The following CNPY1 variants were observed in gnomAD, a reference collection of about 807,000 sequenced individuals.
CNPY1 encodes the protein protein canopy homolog 1.
CNPY1 carries 14 observed loss-of-function variants against 14.4 expected under a neutral mutation model. The observed-to-expected ratio is 0.97, with a 90% CI of 0.64 to 1.52. The LOEUF (loss-of-function observed/expected upper bound fraction) is 1.52, where lower values mean the gene tolerates loss of function less well. Among genes scored for constraint, CNPY1 ranks in the 40% most tolerant of loss-of-function variants. The pLI is 0.00. For missense variants in CNPY1, 129 were observed against 131.5 expected (o/e 0.98, Z 0.09); for synonymous variants, 43 against 46.5 (o/e 0.92, Z 0.31).
At chr7:155,519,164 C>A (rs1796673486) in intron 2 of CNPY1, among the ~76,000 whole-genome samples, 1 of 152,178 alleles carries the variant, frequency 6.6e-6, no homozygotes, top group Non-Finnish European at 1.5e-5. Context: ...AAGGGGTGAC[C>A]TGTGTCTTGC....
intron 2 of CNPY1, chr7:155,533,964 A>AG (rs1308141385): frequency 1.3e-5 from 2 of 151,722 alleles, no homozygotes; most frequent in Non-Finnish European, 2.9e-5. Flanking sequence ...GAGGTTTGGG[A>AG]GGGGGAGGGG....
intron 2 of CNPY1, among the ~76,000 whole-genome samples, chr7:155,532,778 ATAT>A (rs891013733): frequency 6.6e-6 from 1 of 152,056 alleles, no homozygotes; most frequent in Non-Finnish European, 1.5e-5. Flanking sequence ...ATATCTTCCC[ATAT>A]TATTACAATG....
intron 2 of CNPY1, among the ~76,000 whole-genome samples, chr7:155,526,338 G>A (rs1404157079): frequency 6.6e-6 from 1 of 152,164 alleles, no homozygotes. Flanking sequence ...ATGCAGTAAT[G>A]GAAGAAAATT....
chr7:155,519,583 G>C (rs1796680960), intron 2 of CNPY1, among the ~76,000 whole-genome samples: 1 of 150,780 alleles, frequency 6.6e-6, no homozygotes, highest in Non-Finnish European at 1.5e-5. Context: ...GAAGAAAAAT[G>C]GGTGCAAAGT....
At chr7:155,508,124 G>T (rs574403973) in intron 3 of CNPY1, among the ~76,000 whole-genome samples, 1 of 152,334 alleles carries the variant, frequency 6.6e-6, no homozygotes, top group South Asian at 2.1e-4. Flanking sequence ...GCCAATGTGT[G>T]AACTTAATAC....
At chr7:155,511,598 A>C (rs1796532952) in intron 2 of CNPY1, among the ~76,000 whole-genome samples, 1 of 152,240 alleles carries the variant, frequency 6.6e-6, no homozygotes, top group African/African-American at 2.4e-5. Context: ...ATGGCAAGGT[A>C]CAAACGTGTG....
intron 3 of CNPY1, among the ~76,000 whole-genome samples, chr7:155,508,195 A>G (rs1296875834): frequency 6.6e-6 from 1 of 152,236 alleles, no homozygotes; most frequent in Non-Finnish European, 1.5e-5. Flanking sequence ...CTAAAGTGAA[A>G]AATATTGCAA....
At chr7:155,519,287 C>T (rs535738331) in intron 2 of CNPY1, among the ~76,000 whole-genome samples, 30 of 152,146 alleles carry the variant, frequency 2.0e-4, no homozygotes, top group African/African-American at 7.0e-4. Flanking sequence ...CTAGAGAGGC[C>T]AAGACAGGAG....
chr7:155,528,692 C>A (rs937863437), intron 2 of CNPY1, among the ~76,000 whole-genome samples: 1 of 152,220 alleles, frequency 6.6e-6, no homozygotes, highest in Non-Finnish European at 1.5e-5. Context: ...CTTTGAAGCA[C>A]GGCCTTCTTG....
intron 4 of CNPY1, among the ~76,000 whole-genome samples, chr7:155,505,151 C>A (rs1436716043): frequency 6.6e-6 from 1 of 152,100 alleles, no homozygotes; most frequent in Non-Finnish European, 1.5e-5. Context: ...AATTTATTCT[C>A]GGTTTTTAAC....
At chr7:155,541,473 G>A (rs768919069) in intron 2 of CNPY1, among the ~76,000 whole-genome samples, 2 of 152,204 alleles carry the variant, frequency 1.3e-5, no homozygotes, top group Admixed American at 6.5e-5. Context: ...AGACTTCTGA[G>A]CTAGCTTGAG....
chr7:155,501,270 G>A lies in CNPY1; in HGVS notation c.*1798C>T, dbSNP rs1475691190. On this transcript the variant is annotated 3_prime_UTR_variant, in exon 5 of 5. Coordinates refer to ENST00000636446, the MANE Select transcript of CNPY1 (RefSeq NM_001393663.1). ...AAGCAAAGCATCACTGTCCATGAAA[G>A]GCACCCCTCAGTGACAGGAGGTGCA... 1 of 152,120 alleles carries A rather than the reference G, an allele frequency of 6.6e-6. No individual in the cohort carries two copies. The highest frequency in any genetic ancestry group is 2.4e-5 in the African/African-American group (1 of 41,422). The allele number at this position is 152,120 out of a possible 1,614,324, so 9.4% of individuals were successfully genotyped here.
chr7:155,530,554 T>C (rs1023084788), intron 2 of CNPY1, among the ~76,000 whole-genome samples: 2 of 152,178 alleles, frequency 1.3e-5, no homozygotes, highest in Non-Finnish European at 2.9e-5. Context: ...GGTCTTGAAC[T>C]CCTGGCCTCA....
chr7:155,531,367 C>T (rs1796934006), intron 2 of CNPY1, among the ~76,000 whole-genome samples: 1 of 152,178 alleles, frequency 6.6e-6, no homozygotes, highest in African/African-American at 2.4e-5. Flanking sequence ...AACTGAGATT[C>T]AAGAAATAGA....
Position 155,509,084 on chromosome 7 carries a change from T to A in CNPY1, c.113A>T (p.Gln38Leu), listed in dbSNP as rs1439566561. The A allele has an allele frequency of 6.3e-7, 1 of 1,579,640 alleles. No individual in the cohort carries two copies. Among genetic ancestry groups the A allele is most frequent in the Admixed American group, 1.9e-5 (1 of 51,880 alleles). Residue 38 changes from glutamine (Q) to leucine (L), a missense_variant, in exon 3 of 5, where the codon CAG becomes CTG. Physicochemically the swap from Gln to Leu is moderately radical, Grantham distance 113 (BLOSUM62 -2). Coordinates refer to ENST00000636446, the MANE Select transcript of CNPY1 (RefSeq NM_001393663.1). ...TQERRKIPLAQSEAFLTDLLE... is the reference protein window; with the variant it reads ...TQERRKIPLALSEAFLTDLLE... ...AAGATCCGTTAGGAACGCCTCCGAC[T>A]GAGCTAGGGGGATCTAAGAAGAAAG...
intron 3 of CNPY1, among the ~76,000 whole-genome samples, chr7:155,508,111 T>C (rs1244742570): frequency 1.3e-5 from 2 of 152,238 alleles, no homozygotes; most frequent in African/African-American, 4.8e-5. Context: ...GCCTGGTATT[T>C]TGGCCAATGT....
chr7:155,534,612 A>G (rs4716676), intron 2 of CNPY1, among the ~76,000 whole-genome samples: 60,894 of 152,088 alleles, frequency 0.4, 12,291 homozygotes, highest in African/African-American at 0.42. Context: ...GCGTCGCGGG[A>G]TGGCCCACTG....
intron 2 of CNPY1, among the ~76,000 whole-genome samples, chr7:155,523,296 C>T (rs766826810): frequency 5.9e-5 from 9 of 152,154 alleles, no homozygotes; most frequent in Non-Finnish European, 1.0e-4. Context: ...TACCGGAAAC[C>T]GACTCAAAGA....
At chr7:155,535,127 A>G (rs1797008389) in intron 2 of CNPY1, among the ~76,000 whole-genome samples, 1 of 152,228 alleles carries the variant, frequency 6.6e-6, no homozygotes, top group African/African-American at 2.4e-5. Flanking sequence ...ACAAGTGGCA[A>G]AACACTCCTG....
Sources: gnomAD v4.1 joint callset for allele counts (sites outside exome capture counted in the v4.1 genomes callset) on GRCh38, gnomAD v4.1.1 for gene constraint, MANE v1.5 for transcripts, NCBI Gene and HGNC (gene_info 2026-07-23, HGNC 2026-07-21) for gene names.